ENAH: variants seen among roughly 807,000 people sequenced by gnomAD.
The protein encoded by ENAH is protein enabled homolog.
In ENAH, 23 loss-of-function variants were observed where a neutral mutation model predicts 78.7. That is an observed-to-expected ratio of 0.29 (90% CI 0.21 to 0.41). The LOEUF is 0.41. ENAH is among the 10% of genes least tolerant of loss of function. The probability of loss-of-function intolerance (pLI) is 1.00; values close to 1 mark genes in which losing one functional copy is unlikely to be tolerated. For missense variants in ENAH, 544 were observed against 691.0 expected, an observed-to-expected ratio of 0.79 and a Z score of 2.39; for synonymous variants, 226 against 241.0, an observed-to-expected ratio of 0.94 and a Z score of 0.58.
intron 10 of ENAH, among the ~76,000 whole-genome samples, chr1:225,510,502 A>C (rs1441899997): frequency 6.6e-6 from 1 of 152,144 alleles, no homozygotes; most frequent in East Asian, 1.9e-4. Flanking sequence ...AAGCTAAAAT[A>C]AGTGGGTCAC....
chr1:225,602,554 C>T (rs2657565), intron 1 of ENAH, among the ~76,000 whole-genome samples: 3,434 of 152,062 alleles, frequency 0.023, 113 homozygotes, highest in African/African-American at 0.078. Context: ...AAAGAAGAAC[C>T]TACTTAATAA....
intron 2 of ENAH, among the ~76,000 whole-genome samples, chr1:225,559,099 C>CATTTAATCATTT (rs2096685609): frequency 2.0e-5 from 3 of 152,166 alleles, no homozygotes; most frequent in Admixed American, 2.0e-4. Flanking sequence ...ATTTTAATCA[C>CATTTAATCATTT]AAGTTTAGTT....
intron 5 of ENAH, chr1:225,517,708 C>G (rs555206721): frequency 8.5e-5 from 132 of 1,550,916 alleles, no homozygotes; most frequent in Admixed American, 5.3e-4. Context: ...AGAAGAAGGT[C>G]GAGAGTTTTT....
rs532648656 is a variant in ENAH, at chr1:225,490,486, T to C, written c.*7289A>G. 24 of 151,726 alleles carry C rather than the reference T, an allele frequency of 1.6e-4. No homozygotes were observed. Among genetic ancestry groups the C allele is most frequent in the African/African-American group, 4.8e-4 (20 of 41,294 alleles). The allele number at this position is 151,726 out of a possible 1,614,324, so 9.4% of individuals were successfully genotyped here. A position where few individuals can be genotyped will look rare whatever the true frequency, so the allele number is the denominator to read the frequency against. On this transcript the variant is annotated 3_prime_UTR_variant, in exon 14 of 14. Coordinates refer to ENST00000366843, the MANE Select transcript of ENAH (RefSeq NM_018212.6). ...TACTTGGGAGGCTGAGGCAGGAAAA[T>C]CCCTTTGAACCCAGGGGGGGGAAGT...
intron 3 of ENAH, among the ~76,000 whole-genome samples, chr1:225,548,982 T>G (rs1405340161): frequency 6.6e-6 from 1 of 151,980 alleles, no homozygotes; most frequent in South Asian, 2.1e-4. Context: ...CCCGAGTAAT[T>G]GGGACTACAG....
At chr1:225,592,367 T>C (rs2096881231) in intron 1 of ENAH, among the ~76,000 whole-genome samples, 3 of 152,228 alleles carry the variant, frequency 2.0e-5, no homozygotes, top group Non-Finnish European at 4.4e-5. Context: ...ATCCAGCAAG[T>C]GAGCCTGGTG....
intron 4 of ENAH, among the ~76,000 whole-genome samples, chr1:225,524,960 TAC>T (rs1048515207): frequency 2.0e-5 from 3 of 152,178 alleles, no homozygotes; most frequent in Admixed American, 6.5e-5. Flanking sequence ...CTATTGACTC[TAC>T]ATTTATTAAA....
At chr1:225,527,431 C>T (rs891331651) in intron 4 of ENAH, among the ~76,000 whole-genome samples, 2 of 152,144 alleles carry the variant, frequency 1.3e-5, no homozygotes, top group Non-Finnish European at 2.9e-5. Context: ...ACATCCTTCC[C>T]GTTTGCTAGC....
intron 3 of ENAH, among the ~76,000 whole-genome samples, chr1:225,543,321 G>A (rs996451712): frequency 3.9e-5 from 6 of 152,182 alleles, no homozygotes; most frequent in African/African-American, 1.4e-4. Flanking sequence ...TATTACCACA[G>A]CAAAGAGCAG....
intron 11 of ENAH, 82 bp from the exon 12 acceptor site, chr1:225,501,152 CCAACA>C (rs1415438383): frequency 7.0e-6 from 7 of 997,042 alleles, no homozygotes; most frequent in Non-Finnish European, 9.0e-6. Context: ...ATTTACCAAC[CCAACA>C]CCAGATTTAA....
rs1412693864 is a variant in ENAH, at chr1:225,494,752, A to C, written c.*3023T>G. The C allele has an allele frequency of 6.6e-6, 1 of 152,376 alleles. No individual in the cohort carries two copies. 9.4% of individuals were successfully genotyped at this position (152,376 alleles called of 1,614,324 possible). On this transcript the variant is annotated 3_prime_UTR_variant, in exon 14 of 14. Transcript: ENST00000366843. ...CTTTAAAAGGTGTTTTTCACATCCA[A>C]TATAACTTACTTTAAAACAAATTAT...
In ENAH at chr1:225,652,716, C is replaced by T; in HGVS notation, c.-26G>A. ...GGTGCCGGCGGCGCAGAGGCTTCCC[C>T]ACCAGCCGGGAGACGCAGAAGGCGC... is the stretch of plus-strand genomic sequence containing the variant. On this transcript the variant is annotated 5_prime_UTR_variant, in exon 1 of 14. Transcript: ENST00000366843. 3.8e-6 allele frequency: 5 copies of T among 1,317,936 alleles called. No homozygotes were observed. Among genetic ancestry groups the T allele is most frequent in the Non-Finnish European group, 3.9e-6 (4 of 1,035,470 alleles). The allele number at this position is 1,317,936 out of a possible 1,614,324, so 81.6% of individuals were successfully genotyped here.
chr1:225,598,111 A>T (rs1023294971), intron 1 of ENAH, among the ~76,000 whole-genome samples: 1 of 152,204 alleles, frequency 6.6e-6, no homozygotes, highest in African/African-American at 2.4e-5. Flanking sequence ...GCTGGACCTA[A>T]AGCCACTTCC....
chr1:225,571,034 A>C (rs2096759614), intron 1 of ENAH, among the ~76,000 whole-genome samples: 1 of 152,072 alleles, frequency 6.6e-6, no homozygotes, highest in East Asian at 1.9e-4. Context: ...GATATCTATA[A>C]AGCTTCTACT....
At chr1:225,542,667 TTTGG>T (rs2096595219) in intron 3 of ENAH, among the ~76,000 whole-genome samples, 1 of 152,174 alleles carries the variant, frequency 6.6e-6, no homozygotes, top group South Asian at 2.1e-4. Context: ...ATTAAAATAG[TTTGG>T]TTGAATACAT....
Position 225,497,087 on chromosome 1 carries a change from T to A in ENAH, c.*688A>T, listed in dbSNP as rs1450152880. On this transcript the variant is annotated 3_prime_UTR_variant, in exon 14 of 14. Coordinates refer to ENST00000366843, the MANE Select transcript of ENAH (RefSeq NM_018212.6). The stretch of plus-strand genomic sequence containing the variant: ...CAATTTAGGAAGGCATCTAAATCTT[T>A]AAGTTCTGGACAAATTTTATGTTTT... 3.3e-5 allele frequency: 5 copies of A among 152,660 alleles called. No individual in the cohort carries two copies. The highest frequency in any genetic ancestry group is 4.8e-5 in the African/African-American group (2 of 41,464). The allele number at this position is 152,660 out of a possible 1,614,324, so 9.5% of individuals were successfully genotyped here. A position where few individuals can be genotyped will look rare whatever the true frequency, so the allele number is the denominator to read the frequency against.
chr1:225,570,337 T>C (rs1558833326), intron 1 of ENAH, among the ~76,000 whole-genome samples: 1 of 152,132 alleles, frequency 6.6e-6, no homozygotes, highest in Non-Finnish European at 1.5e-5. Context: ...TCCTGCCATG[T>C]ACGCTGACCA....
In ENAH at chr1:225,510,695, T is replaced by A. The variant is rs562069958; in HGVS notation, c.1471+1116A>T. Among the ~76,000 whole-genome samples, 15 of 118,950 alleles carry A rather than the reference T, an allele frequency of 1.3e-4. No individual in the cohort carries two copies. In the East Asian group the frequency reaches 3.0e-3, roughly 24 times the overall value. 78.0% of individuals were successfully genotyped at this position (118,950 alleles called of 152,430 possible). A position where few individuals can be genotyped will look rare whatever the true frequency, so the allele number is the denominator to read the frequency against. ...ATCACAAAAACAAAAACTTCAGAGG[T>A]ACTTAAAAAAAAAAAAAAAAAAAAA... On this transcript the variant is annotated intron_variant, in intron 10 of 13. Transcript: ENST00000366843.
intron 4 of ENAH, among the ~76,000 whole-genome samples, chr1:225,525,038 A>T (rs1028210318): frequency 1.3e-5 from 2 of 152,258 alleles, no homozygotes; most frequent in South Asian, 4.1e-4. Flanking sequence ...TATAAGACTT[A>T]GAACAGTAAT....
Sources: gnomAD v4.1 joint callset for allele counts (sites outside exome capture counted in the v4.1 genomes callset) on GRCh38, gnomAD v4.1.1 for gene constraint, MANE v1.5 for transcripts, NCBI Gene and HGNC (gene_info 2026-07-23, HGNC 2026-07-21) for gene names.